The following GRID1 variants were observed in gnomAD, a reference collection of about 807,000 sequenced individuals.
GRID1 encodes glutamate receptor ionotropic, delta-1.
GRID1 carries 28 observed loss-of-function variants against 98.0 expected under a neutral mutation model. The observed-to-expected ratio is 0.29, with a 90% CI of 0.21 to 0.39. The LOEUF (loss-of-function observed/expected upper bound fraction) is 0.39. Among genes scored for constraint, GRID1 ranks in the 10% least tolerant of loss-of-function variants. GRID1 has a pLI of 1.00. For synonymous variants in GRID1, 553 were observed against 538.5 expected, an observed-to-expected ratio of 1.03 and a Z score of -0.37; for missense variants, 1,111 against 1,340.5, an observed-to-expected ratio of 0.83 and a Z score of 2.67.
intron 13 of GRID1, among the ~76,000 whole-genome samples, chr10:85,637,764 T>C (rs1186425692): frequency 6.6e-6 from 1 of 152,232 alleles, no homozygotes. Context: ...TTATAGATTA[T>C]AAAATATGTG....
At chr10:86,217,562 A>C (rs1437351181) in intron 2 of GRID1, among the ~76,000 whole-genome samples, 1 of 152,192 alleles carries the variant, frequency 6.6e-6, no homozygotes, top group African/African-American at 2.4e-5. Flanking sequence ...ACTGTTGAGC[A>C]GAAAAGCTCT....
chr10:86,247,402 G>T (rs1162991984), intron 2 of GRID1, among the ~76,000 whole-genome samples: 1 of 152,118 alleles, frequency 6.6e-6, no homozygotes, highest in African/African-American at 2.4e-5. Context: ...ATGAATGGAT[G>T]GATGGACAGA....
chr10:86,103,608 T>TTATGTAATGCCC (rs1209292673), intron 4 of GRID1, among the ~76,000 whole-genome samples: 2 of 152,200 alleles, frequency 1.3e-5, no homozygotes, highest in Non-Finnish European at 2.9e-5. Flanking sequence ...CCGATGCTGC[T>TTATGTAATGCCC]TATGTAATGC....
chr10:86,109,309 A>G (rs531839370), intron 4 of GRID1, among the ~76,000 whole-genome samples: 5 of 152,348 alleles, frequency 3.3e-5, no homozygotes, highest in Admixed American at 6.5e-5. Context: ...TGAAACACTG[A>G]GTGTTCAGAA....
At chr10:85,762,158 C>A (rs923330407) in intron 8 of GRID1, among the ~76,000 whole-genome samples, 1 of 152,216 alleles carries the variant, frequency 6.6e-6, no homozygotes, top group African/African-American at 2.4e-5. Flanking sequence ...CTATCAAGGG[C>A]TCATGCTGGA....
intron 8 of GRID1, among the ~76,000 whole-genome samples, chr10:85,751,407 A>T (rs960054402): frequency 2.0e-5 from 3 of 152,230 alleles, no homozygotes; most frequent in Non-Finnish European, 4.4e-5. Flanking sequence ...AGAAAGCATC[A>T]CATCCAAGAT....
At chr10:86,154,527 T>C (rs1845217106) in intron 3 of GRID1, among the ~76,000 whole-genome samples, 1 of 151,988 alleles carries the variant, frequency 6.6e-6, no homozygotes, top group African/African-American at 2.4e-5. Flanking sequence ...AACCTCCATA[T>C]CCAAGGGGGT....
chr10:86,283,604 A>T (rs189321611), intron 2 of GRID1, among the ~76,000 whole-genome samples: 1 of 148,764 alleles, frequency 6.7e-6, no homozygotes, highest in African/African-American at 2.5e-5. Context: ...CACATATGCA[A>T]ATAAGGTGTG....
chr10:85,705,220 T>C (rs972204882), intron 12 of GRID1, among the ~76,000 whole-genome samples: 1 of 152,096 alleles, frequency 6.6e-6, no homozygotes, highest in African/African-American at 2.4e-5. Flanking sequence ...GATAGACTCC[T>C]AGCAAGACTA....
intron 6 of GRID1, among the ~76,000 whole-genome samples, chr10:85,862,894 G>A (rs981291406): frequency 1.1e-4 from 17 of 152,172 alleles, no homozygotes; most frequent in Non-Finnish European, 1.9e-4. Flanking sequence ...TGGAGGGAGG[G>A]CAGGGAAGCA....
At chr10:86,155,855 C>G (rs2131983105) in intron 3 of GRID1, among the ~76,000 whole-genome samples, 1 of 152,304 alleles carries the variant, frequency 6.6e-6, no homozygotes, top group South Asian at 2.1e-4. Context: ...TGAAAATCCA[C>G]TGGCAGGATA....
chr10:86,128,305 G>T (rs1844783471), intron 4 of GRID1, among the ~76,000 whole-genome samples: 1 of 152,114 alleles, frequency 6.6e-6, no homozygotes, highest in African/African-American at 2.4e-5. Context: ...CCCTCCATCT[G>T]CCCTCCCTGT....
At chr10:86,145,706 T>C (rs750097616) in intron 3 of GRID1, among the ~76,000 whole-genome samples, 2 of 152,180 alleles carry the variant, frequency 1.3e-5, no homozygotes, top group Non-Finnish European at 2.9e-5. Flanking sequence ...AATTTAATAA[T>C]ATTAAACAAT....
intron 4 of GRID1, among the ~76,000 whole-genome samples, chr10:86,003,755 G>C (rs975751210): frequency 1.3e-5 from 2 of 152,226 alleles, no homozygotes; most frequent in African/African-American, 4.8e-5. Flanking sequence ...ATTATAAGGA[G>C]ACACCACTTA....
At chr10:85,637,616 G>T (rs1456804013) in intron 13 of GRID1, among the ~76,000 whole-genome samples, 1 of 152,172 alleles carries the variant, frequency 6.6e-6, no homozygotes, top group African/African-American at 2.4e-5. Flanking sequence ...ATAAATGTGG[G>T]TTTTGTTCAC....
intron 13 of GRID1, among the ~76,000 whole-genome samples, chr10:85,637,680 C>T (rs79726068): frequency 6.6e-6 from 1 of 152,146 alleles, no homozygotes; most frequent in African/African-American, 2.4e-5. Flanking sequence ...CTTCCTGTAC[C>T]TTTTATTTCT....
rs539630574 is a variant in GRID1 at position 85,618,271 on chromosome 10, G to A, written c.2360+1596C>T. Among the ~76,000 whole-genome samples, 7 of 152,130 alleles carry A rather than the reference G, an allele frequency of 4.6e-5. No homozygotes were observed. In the South Asian group the frequency reaches 1.2e-3, roughly 27 times the overall value. On this transcript the variant is annotated intron_variant, in intron 14 of 15. Coordinates refer to ENST00000327946, the MANE Select transcript of GRID1 (RefSeq NM_017551.3). The stretch of plus-strand genomic sequence containing the variant: ...TGTGCTTCCATGAGCGCTGCCTTGG[G>A]GTACATGAGCAGTCTTGGTGCTGCT...
intron 4 of GRID1, among the ~76,000 whole-genome samples, chr10:85,947,419 T>G (rs58150437): frequency 0.094 from 14,361 of 152,214 alleles, 727 homozygotes; most frequent in East Asian, 0.18. Context: ...AACTTTCGTA[T>G]CTCAGATAAA....
intron 3 of GRID1, among the ~76,000 whole-genome samples, chr10:86,202,174 C>G (rs1306035165): frequency 1.3e-5 from 2 of 152,242 alleles, no homozygotes; most frequent in Non-Finnish European, 2.9e-5. Flanking sequence ...CTGCCGTGCC[C>G]TGGAGATGCC....
Sources: gnomAD v4.1 joint callset for allele counts (sites outside exome capture counted in the v4.1 genomes callset) on GRCh38, gnomAD v4.1.1 for gene constraint, MANE v1.5 for transcripts, NCBI Gene and HGNC (gene_info 2026-07-23, HGNC 2026-07-21) for gene names.